The following NMNAT2 variants were observed in gnomAD, a reference collection of about 807,000 sequenced individuals.
The protein encoded by NMNAT2 is nicotinamide/nicotinic acid mononucleotide adenylyltransferase 2.
NMNAT2 carries 11 observed loss-of-function variants against 41.6 expected under a neutral mutation model. The ratio of observed to expected loss-of-function variants is 0.26; its 90% CI spans 0.17 to 0.44. The LOEUF is 0.44. Ranked by LOEUF, NMNAT2 falls within the 20% of genes least tolerant of loss-of-function variation. NMNAT2 has a pLI of 1.00. For synonymous variants in NMNAT2, 148 were observed against 151.2 expected (o/e 0.98, Z 0.16); for missense variants, 288 against 407.7 (o/e 0.71, Z 2.53).
In NMNAT2 at chr1:183,338,935, T is replaced by G. The variant is rs536742969; in HGVS notation, c.86-45142A>C. The stretch of plus-strand genomic sequence containing the variant: ...GGCTATGAGTTGGCATGAAACAGGG[T>G]GGGAAGGGCAGGACTGAAAGGGCAT... On this transcript the variant is annotated intron_variant, in intron 1 of 10. Coordinates refer to ENST00000287713, the MANE Select transcript of NMNAT2 (RefSeq NM_015039.4). 2.0e-5 allele frequency among the ~76,000 whole-genome samples: 3 copies of G among 151,870 alleles called. No individual in the cohort carries two copies. In the South Asian group the frequency reaches 6.2e-4, roughly 32 times the overall value.
At chr1:183,356,172 T>G (rs1303417246) in intron 1 of NMNAT2, among the ~76,000 whole-genome samples, 4 of 152,220 alleles carry the variant, frequency 2.6e-5, no homozygotes. Flanking sequence ...TTTTTCCAAT[T>G]TACAGATTTT....
At chr1:183,405,110 G>T (rs1179855634) in intron 1 of NMNAT2, among the ~76,000 whole-genome samples, 4 of 152,096 alleles carry the variant, frequency 2.6e-5, no homozygotes, top group Non-Finnish European at 4.4e-5. Context: ...GTCCCAGCTA[G>T]TTGGAAGGCT....
chr1:183,273,505 T>C (rs982484477), intron 8 of NMNAT2, among the ~76,000 whole-genome samples: 5 of 152,216 alleles, frequency 3.3e-5, no homozygotes, highest in African/African-American at 1.2e-4. Context: ...GGTTAGGAAC[T>C]GAAATTCCTA....
At chr1:183,367,050 C>G (rs1183036477) in intron 1 of NMNAT2, among the ~76,000 whole-genome samples, 1 of 152,208 alleles carries the variant, frequency 6.6e-6, no homozygotes, top group Non-Finnish European at 1.5e-5. Context: ...TTGAAAATCT[C>G]CGTCCCTGAC....
rs1027085883 is a variant in NMNAT2 at position 183,363,799 on chromosome 1, T to C, written c.85+54384A>G. On this transcript the variant is annotated intron_variant, in intron 1 of 10. Coordinates refer to ENST00000287713, the MANE Select transcript of NMNAT2 (RefSeq NM_015039.4). Reference sequence around the variant, plus strand: ...GGTGGCTTGAGAGGGTTGGATAACATGACATTCAGTGTCTGGCTTTCCATA... The same window carrying C: ...GGTGGCTTGAGAGGGTTGGATAACACGACATTCAGTGTCTGGCTTTCCATA... Among the ~76,000 whole-genome samples the C allele has an allele frequency of 2.0e-5, 3 of 152,244 alleles. No individual in the cohort carries two copies. The South Asian group carries it at 6.2e-4, about 31-fold the overall frequency.
Position 183,251,342 on chromosome 1 carries a change from T to C in NMNAT2, c.*1299A>G, listed in dbSNP as rs1374836846. On this transcript the variant is annotated 3_prime_UTR_variant, in exon 11 of 11. Transcript: ENST00000287713. ...CATGCACTGTCTGAGTTACCTCAGC[T>C]AGAGAGGGTGAAAATCATCAGTTAT... 4 of 152,212 alleles carry C rather than the reference T, an allele frequency of 2.6e-5. No homozygotes were observed. Among genetic ancestry groups the C allele is most frequent in the African/African-American group, 9.7e-5 (4 of 41,430 alleles). 9.4% of individuals were successfully genotyped at this position (152,212 alleles called of 1,614,324 possible). A position where few individuals can be genotyped will look rare whatever the true frequency, so the allele number is the denominator to read the frequency against.
At chr1:183,300,296 G>A (rs549775726) in intron 1 of NMNAT2, among the ~76,000 whole-genome samples, 8 of 152,180 alleles carry the variant, frequency 5.3e-5, no homozygotes, top group African/African-American at 1.7e-4. Context: ...CAGCTACTTG[G>A]GAGGCTGAGG....
chr1:183,268,248 G>A (rs1192404427), intron 8 of NMNAT2, among the ~76,000 whole-genome samples: 2 of 152,152 alleles, frequency 1.3e-5, no homozygotes, highest in Non-Finnish European at 2.9e-5. Context: ...CCCTCCAAGA[G>A]GCTGAATTTC....
At chr1:183,384,806 GT>G (rs1648148086) in intron 1 of NMNAT2, among the ~76,000 whole-genome samples, 1 of 152,200 alleles carries the variant, frequency 6.6e-6, no homozygotes, top group South Asian at 2.1e-4. Context: ...ATTAATGTCT[GT>G]GGTATATTGG....
intron 1 of NMNAT2, among the ~76,000 whole-genome samples, chr1:183,361,943 TG>T (rs1371781335): frequency 7.9e-5 from 12 of 152,172 alleles, no homozygotes; most frequent in Non-Finnish European, 1.6e-4. Flanking sequence ...TAACTTTATT[TG>T]TTTATTTATT....
At chr1:183,320,620 T>G (rs1296662598) in intron 1 of NMNAT2, among the ~76,000 whole-genome samples, 2 of 152,178 alleles carry the variant, frequency 1.3e-5, no homozygotes, top group Admixed American at 1.3e-4. Context: ...ATAAAATTTC[T>G]TTGTGAATTA....
chr1:183,394,010 T>C (rs1648561520), intron 1 of NMNAT2, among the ~76,000 whole-genome samples: 1 of 152,074 alleles, frequency 6.6e-6, no homozygotes, highest in Non-Finnish European at 1.5e-5. Flanking sequence ...AATAAACAAA[T>C]AAATGAATCA....
chr1:183,284,190 G>A (rs1475847930), intron 6 of NMNAT2, 151 bp from the exon 7 acceptor site: 1 of 645,000 alleles, frequency 1.6e-6, no homozygotes, highest in African/African-American at 1.8e-5. Context: ...AGGGTGAATG[G>A]AGAGCAGTCA....
Position 183,413,302 on chromosome 1 carries a change from A to C in NMNAT2, c.85+4881T>G, listed in dbSNP as rs539128790. Among the ~76,000 whole-genome samples the C allele has an allele frequency of 1.8e-3, 276 of 152,262 alleles. 1 individual carries two copies. Among genetic ancestry groups the C allele is most frequent in the Non-Finnish European group, 1.4e-3 (93 of 68,024 alleles). On this transcript the variant is annotated intron_variant, in intron 1 of 10. Coordinates refer to ENST00000287713, the MANE Select transcript of NMNAT2 (RefSeq NM_015039.4). ...TCACAGCCAGAAATGACCAAATTCA[A>C]TTCTTTTTCTGGGCTCAAGCGGACC...
intron 1 of NMNAT2, among the ~76,000 whole-genome samples, chr1:183,416,553 C>T (rs944318466): frequency 6.6e-6 from 1 of 152,182 alleles, no homozygotes; most frequent in African/African-American, 2.4e-5. Context: ...CTCTTGTCTA[C>T]CCTGATGCTG....
chr1:183,309,350 G>A (rs543640792), intron 1 of NMNAT2, among the ~76,000 whole-genome samples: 93 of 152,258 alleles, frequency 6.1e-4, no homozygotes, highest in African/African-American at 2.2e-3. Flanking sequence ...TCAGAGATTG[G>A]CTGTTGGGCG....
At chr1:183,404,442 C>T (rs1027638524) in intron 1 of NMNAT2, among the ~76,000 whole-genome samples, 1 of 152,190 alleles carries the variant, frequency 6.6e-6, no homozygotes, top group African/African-American at 2.4e-5. Flanking sequence ...AGGGGGAATG[C>T]ATATGCTTAG....
chr1:183,292,040 G>A (rs1008150761), intron 3 of NMNAT2, among the ~76,000 whole-genome samples: 4 of 152,220 alleles, frequency 2.6e-5, no homozygotes, highest in African/African-American at 7.2e-5. Flanking sequence ...CCGTCACTTC[G>A]CCCCTTTCAT....
intron 1 of NMNAT2, among the ~76,000 whole-genome samples, chr1:183,405,986 T>A (rs531008761): frequency 8.5e-5 from 13 of 152,354 alleles, no homozygotes; most frequent in African/African-American, 2.9e-4. Context: ...ATTGGAATAG[T>A]TTAGCAGTTA....
Sources: gnomAD v4.1 joint callset for allele counts (sites outside exome capture counted in the v4.1 genomes callset) on GRCh38, gnomAD v4.1.1 for gene constraint, MANE v1.5 for transcripts, NCBI Gene and HGNC (gene_info 2026-07-23, HGNC 2026-07-21) for gene names.